TAFA5: variants seen among roughly 807,000 people sequenced by gnomAD.
TAFA5 encodes the protein TAFA chemokine like family member 5.
A neutral mutation model predicts 15.3 loss-of-function variants in TAFA5; 6 were observed. That is an observed-to-expected ratio of 0.39 (90% CI 0.21 to 0.77). The LOEUF (loss-of-function observed/expected upper bound fraction) is 0.77. Among genes scored for constraint, TAFA5 ranks in the 30% least tolerant of loss-of-function variants. The pLI is 0.41. For synonymous variants in TAFA5, 103 were observed against 80.7 expected, an observed-to-expected ratio of 1.28 and a Z score of -1.48; for missense variants, 161 against 193.1, an observed-to-expected ratio of 0.83 and a Z score of 0.98.
At chr22:48,585,136 CACA>C (rs201147756) in intron 1 of TAFA5, among the ~76,000 whole-genome samples, 9,408 of 149,316 alleles carry the variant, frequency 0.063, 328 homozygotes, top group African/African-American at 0.085. Flanking sequence ...AGATGCCACA[CACA>C]ACAAAATACA....
intron 1 of TAFA5, among the ~76,000 whole-genome samples, chr22:48,594,482 A>G (rs1247736363): frequency 6.6e-6 from 1 of 152,214 alleles, no homozygotes; most frequent in Non-Finnish European, 1.5e-5. Flanking sequence ...GGGCTGGGAT[A>G]GGGAGGGCTG....
chr22:48,576,460 C>T (rs1923806411), intron 1 of TAFA5: 1 of 1,400,814 alleles, frequency 7.1e-7, no homozygotes, highest in Non-Finnish European at 9.4e-7. Flanking sequence ...TCGGGGGCGT[C>T]GGCCGAGTTG....
At position 48,640,260 on chromosome 22, in the gene TAFA5, G is replaced by C. The variant is rs1021129826; in HGVS notation, c.113-6337G>C. Among the ~76,000 whole-genome samples, 8 of 152,284 alleles carry C rather than the reference G, an allele frequency of 5.3e-5. 1 individual carries two copies. ...GGCAGGTCTACCATGCAGCTCTGCT[G>C]GAGGGTGGAGGGTCCCACGCTGCGT... On this transcript the variant is annotated intron_variant, in intron 1 of 3. Coordinates refer to ENST00000402357, the MANE Select transcript of TAFA5 (RefSeq NM_001082967.3).
intron 1 of TAFA5, among the ~76,000 whole-genome samples, chr22:48,565,891 A>C (rs976787518): frequency 6.6e-6 from 1 of 152,040 alleles, no homozygotes; most frequent in African/African-American, 2.4e-5. Flanking sequence ...GGATGGATGG[A>C]TGATAGATAG....
intron 1 of TAFA5, among the ~76,000 whole-genome samples, chr22:48,493,328 T>G (rs1262324739): frequency 1.3e-5 from 2 of 152,254 alleles, no homozygotes; most frequent in Non-Finnish European, 2.9e-5. Flanking sequence ...AATATTGAGC[T>G]GTACCTTCCA....
chr22:48,578,660 G>T (rs12160185), intron 1 of TAFA5, among the ~76,000 whole-genome samples: 2,550 of 152,334 alleles, frequency 0.017, 73 homozygotes, highest in African/African-American at 0.058. Context: ...CAGTGTTTGC[G>T]CAGCCCTCCA....
intron 1 of TAFA5, among the ~76,000 whole-genome samples, chr22:48,607,413 T>C (rs1253838755): frequency 7.1e-6 from 1 of 139,964 alleles, no homozygotes; most frequent in African/African-American, 2.8e-5. Context: ...GGAGCAGGTC[T>C]ATCCCGGGTT....
intron 1 of TAFA5, chr22:48,545,112 C>T (rs979322813): frequency 2.9e-5 from 10 of 350,770 alleles, no homozygotes; most frequent in African/African-American, 1.5e-4. Flanking sequence ...AGGTTCTAAG[C>T]GAGTCTTCAG....
At chr22:48,690,481 C>T (rs55666733) in intron 2 of TAFA5, among the ~76,000 whole-genome samples, 12,692 of 152,248 alleles carry the variant, frequency 0.083, 710 homozygotes, top group Non-Finnish European at 0.13. Flanking sequence ...ATGCTTGTAG[C>T]GAGATCCCAG....
intron 1 of TAFA5, among the ~76,000 whole-genome samples, chr22:48,619,063 G>A (rs1601619952): frequency 1.3e-5 from 2 of 152,214 alleles, no homozygotes; most frequent in African/African-American, 2.4e-5. Context: ...TCAGCTGTTC[G>A]GCTTTCCACA....
rs531077192 is a variant in TAFA5, at chr22:48,641,953, C to T, written c.113-4644C>T. Among the ~76,000 whole-genome samples the T allele has an allele frequency of 2.4e-4, 36 of 152,314 alleles. No homozygotes were observed. The South Asian group carries it at 5.6e-3, about 24-fold the overall frequency. ...TGAGAGAAAAGACAGAAACACCATC[C>T]CCTATCTCCAAGAAAAGGCCGGCGC... On this transcript the variant is annotated intron_variant, in intron 1 of 3. Coordinates refer to ENST00000402357, the MANE Select transcript of TAFA5 (RefSeq NM_001082967.3).
At chr22:48,693,232 C>A (rs1928598583) in intron 2 of TAFA5, 2 of 1,482,838 alleles carry the variant, frequency 1.3e-6, no homozygotes, top group African/African-American at 1.4e-5. Flanking sequence ...AGCAGCCTGG[C>A]AGGATGAGTC....
At chr22:48,542,887 A>G (rs1922511909) in intron 1 of TAFA5, among the ~76,000 whole-genome samples, 1 of 126,730 alleles carries the variant, frequency 7.9e-6, no homozygotes, top group Non-Finnish European at 1.7e-5. Flanking sequence ...TGATGTGTGT[A>G]TTTGTGTGTG....
At chr22:48,496,080 G>A (rs1224524574) in intron 1 of TAFA5, among the ~76,000 whole-genome samples, 2 of 152,262 alleles carry the variant, frequency 1.3e-5, no homozygotes, top group Non-Finnish European at 2.9e-5. Context: ...GGCATGGTGA[G>A]CTAGGCCAGA....
chr22:48,618,229 A>G (rs1925682389), intron 1 of TAFA5, among the ~76,000 whole-genome samples: 1 of 152,138 alleles, frequency 6.6e-6, no homozygotes. Flanking sequence ...CACCTGCCCC[A>G]GTCCCCCACA....
At chr22:48,554,848 G>A (rs1222657005) in intron 1 of TAFA5, among the ~76,000 whole-genome samples, 1 of 152,232 alleles carries the variant, frequency 6.6e-6, no homozygotes, top group Admixed American at 6.5e-5. Flanking sequence ...GCTTGCAGGA[G>A]TGTCTCTGCA....
At position 48,550,332 on chromosome 22, in the gene TAFA5, A is replaced by T. The variant is rs552803970; in HGVS notation, c.112+60628A>T. On this transcript the variant is annotated intron_variant, in intron 1 of 3. Coordinates refer to ENST00000402357, the MANE Select transcript of TAFA5 (RefSeq NM_001082967.3). The surrounding 1 kb of genome is among the most constrained non-coding windows in gnomAD (Gnocchi z 4.1). ...ACAGGTGAGGCCAGATGCAGACAGG[A>T]GCGCCATGAGAGGGCAAGGGCTTCC... Among the ~76,000 whole-genome samples the T allele has an allele frequency of 2.6e-5, 4 of 152,340 alleles. No individual in the cohort carries two copies. The highest frequency in any genetic ancestry group is 9.6e-5 in the African/African-American group (4 of 41,580).
intron 1 of TAFA5, among the ~76,000 whole-genome samples, chr22:48,526,679 C>T (rs1401959656): frequency 1.3e-5 from 2 of 152,182 alleles, no homozygotes; most frequent in Non-Finnish European, 2.9e-5. Flanking sequence ...GATCACGCTG[C>T]CATTATGTAT....
intron 2 of TAFA5, among the ~76,000 whole-genome samples, chr22:48,688,566 C>G (rs990747895): frequency 2.0e-5 from 3 of 152,200 alleles, no homozygotes; most frequent in Non-Finnish European, 4.4e-5. Flanking sequence ...CTTAACTCCC[C>G]CTGGCTGCTC....
Sources: allele counts gnomAD v4.1 joint callset (sites outside exome capture counted in the v4.1 genomes callset), GRCh38; gene constraint gnomAD v4.1.1; non-coding constraint Gnocchi (gnomAD v3.1); transcripts MANE v1.5; gene names NCBI Gene and HGNC (gene_info 2026-07-23, HGNC 2026-07-21).